GPR89B: variants seen among roughly 807,000 people sequenced by gnomAD.
The protein encoded by GPR89B is G protein-coupled receptor 89B.
GPR89B carries 25 observed loss-of-function variants against 52.4 expected under a neutral mutation model. The observed-to-expected ratio is 0.48, with a 90% CI of 0.35 to 0.67. GPR89B has a LOEUF of 0.67. Among genes scored for constraint, GPR89B ranks in the 30% least tolerant of loss-of-function variants. GPR89B has a pLI of 0.01. For synonymous variants in GPR89B, 52 were observed against 151.2 expected (o/e 0.34, Z 4.81); for missense variants, 146 against 450.2 (o/e 0.32, Z 6.11).
At chr1:147,958,481 A>T (rs1656288066) in intron 7 of GPR89B, among the ~76,000 whole-genome samples, 1 of 147,290 alleles carries the variant, frequency 6.8e-6, no homozygotes, top group Admixed American at 6.8e-5. Context: ...TCTAGTAAAA[A>T]TACAAAAATT....
intron 7 of GPR89B, among the ~76,000 whole-genome samples, chr1:147,959,208 G>C (rs2149065811): frequency 6.6e-6 from 1 of 152,162 alleles, no homozygotes; most frequent in East Asian, 1.9e-4. Flanking sequence ...ACGTCTTCCT[G>C]TTTGGAACAG....
chr1:147,952,437 AC>A (rs1465223859), intron 5 of GPR89B, among the ~76,000 whole-genome samples: 1 of 151,662 alleles, frequency 6.6e-6, no homozygotes, highest in Admixed American at 6.6e-5. Context: ...GGTTGCACTG[AC>A]CTCTAAAACG....
At chr1:147,970,541 ATCTCTC>A (rs1230663138) in intron 10 of GPR89B, among the ~76,000 whole-genome samples, 15 of 94,586 alleles carry the variant, frequency 1.6e-4, no homozygotes, top group Admixed American at 8.3e-4. Context: ...CTCTATCTCT[ATCTCTC>A]TCTCTCTATC....
the GPR89B span, among the ~76,000 whole-genome samples, chr1:148,020,535 G>A: frequency 1.3e-5 from 2 of 150,950 alleles, no homozygotes; most frequent in African/African-American, 4.9e-5. Flanking sequence ...TTCCATTTCC[G>A]GCAAATGCAG....
Position 147,940,375 on chromosome 1 carries a change from C to A in GPR89B, c.206+1558C>A, listed in dbSNP as rs1373487360. On this transcript the variant is annotated intron_variant, in intron 3 of 13. Transcript: ENST00000314163. ...CCGAGATTGTGCCACTGCACTCCAG[C>A]CTGGGCGACAGAGCAAGACTCCATC... 3.3e-5 allele frequency among the ~76,000 whole-genome samples: 5 copies of A among 151,480 alleles called. No individual in the cohort carries two copies. In the East Asian group the frequency reaches 9.7e-4, roughly 29 times the overall value.
intron 10 of GPR89B, among the ~76,000 whole-genome samples, chr1:147,970,239 T>TA (rs1657314489): frequency 6.6e-6 from 1 of 152,000 alleles, no homozygotes; most frequent in African/African-American, 2.4e-5. Flanking sequence ...CTCATGCCTA[T>TA]AATCCCAGCA....
At chr1:147,950,225 C>G (rs1268274327) in intron 5 of GPR89B, among the ~76,000 whole-genome samples, 1 of 151,152 alleles carries the variant, frequency 6.6e-6, no homozygotes, top group Non-Finnish European at 1.5e-5. Context: ...GACGGGGCGG[C>G]TGGGCAGAGA....
chr1:147,989,611 G>T (rs1658912258), intron 12 of GPR89B, among the ~76,000 whole-genome samples: 1 of 151,832 alleles, frequency 6.6e-6, no homozygotes, highest in Non-Finnish European at 1.5e-5. Flanking sequence ...GCCTCGGTGT[G>T]TGATGTTCCC....
At chr1:147,949,953 T>G (rs1553250666) in intron 5 of GPR89B, among the ~76,000 whole-genome samples, 2,067 of 67,666 alleles carry the variant, frequency 0.031, 83 homozygotes, top group African/African-American at 0.12. Flanking sequence ...TCCCGGACGG[T>G]GCGGCTGGCC....
chr1:147,962,587 G>A (rs1656667526), intron 7 of GPR89B, among the ~76,000 whole-genome samples: 1 of 151,626 alleles, frequency 6.6e-6, no homozygotes, highest in Non-Finnish European at 1.5e-5. Flanking sequence ...CTAAATCTAA[G>A]TCTTACACCT....
chr1:148,011,059 G>A, the GPR89B span: 1 of 152,134 alleles, frequency 6.6e-6, no homozygotes, highest in Non-Finnish European at 1.5e-5. Flanking sequence ...ACTCAGTGGA[G>A]CATTGGTAGT....
At chr1:147,980,594 G>A (rs1658164968) in intron 10 of GPR89B, among the ~76,000 whole-genome samples, 1 of 143,682 alleles carries the variant, frequency 7.0e-6, no homozygotes, top group Admixed American at 7.0e-5. Context: ...CTCATTTAGT[G>A]TATGATGCAG....
the GPR89B span, among the ~76,000 whole-genome samples, chr1:148,019,976 C>A: frequency 2.0e-5 from 3 of 151,928 alleles, no homozygotes; most frequent in South Asian, 2.1e-4. Context: ...GCTCAATTAT[C>A]ACCCTGGTCT....
At chr1:148,010,859 G>A in the GPR89B span, 1 of 152,246 alleles carries the variant, frequency 6.6e-6, no homozygotes, top group Non-Finnish European at 1.5e-5. Context: ...AATCTGGTAT[G>A]TTGATTTAAA....
At chr1:147,930,582 T>G (rs1227226164) in intron 1 of GPR89B, among the ~76,000 whole-genome samples, 1 of 152,112 alleles carries the variant, frequency 6.6e-6, no homozygotes, top group Non-Finnish European at 1.5e-5. Flanking sequence ...GAGGTGTGGT[T>G]ACCTTGGAAA....
At chr1:148,013,396 G>A in the GPR89B span, among the ~76,000 whole-genome samples, 2 of 152,126 alleles carry the variant, frequency 1.3e-5, no homozygotes, top group Non-Finnish European at 2.9e-5. Flanking sequence ...GCTGCAAAGC[G>A]CATCGTCCTC....
At chr1:148,004,087 A>T in the GPR89B span, 9,833 of 434,244 alleles carry the variant, frequency 0.023, 83 homozygotes, top group Non-Finnish European at 0.033. Context: ...GTTCAACAAA[A>T]GATAGGGGAT....
At chr1:147,970,529 C>G (rs1315545121) in intron 10 of GPR89B, among the ~76,000 whole-genome samples, 1 of 141,478 alleles carries the variant, frequency 7.1e-6, no homozygotes, top group Admixed American at 7.0e-5. Flanking sequence ...CTCTCTCTCT[C>G]TCTCTATCTC....
chr1:147,964,171 G>T (rs1422561608), intron 7 of GPR89B, among the ~76,000 whole-genome samples: 1 of 151,104 alleles, frequency 6.6e-6, no homozygotes, highest in South Asian at 2.1e-4. Flanking sequence ...GGAAATCTGG[G>T]TAAAGGGTAC....
Sources: gnomAD v4.1 joint callset for allele counts (sites outside exome capture counted in the v4.1 genomes callset) on GRCh38, gnomAD v4.1.1 for gene constraint, MANE v1.5 for transcripts, NCBI Gene and HGNC (gene_info 2026-07-23, HGNC 2026-07-21) for gene names.